The following SYN3 variants were observed in gnomAD, a reference collection of about 807,000 sequenced individuals.
SYN3 encodes the protein synapsin-3.
A neutral mutation model predicts 65.8 loss-of-function variants in SYN3; 35 were observed. The observed-to-expected ratio is 0.53, with a 90% CI of 0.41 to 0.70. The LOEUF (loss-of-function observed/expected upper bound fraction) is 0.70, where lower values mean the gene tolerates loss of function less well. Among genes scored for constraint, SYN3 ranks in the 30% least tolerant of loss-of-function variants. SYN3 has a pLI of 0.00. For missense variants in SYN3, 680 were observed against 749.0 expected (o/e 0.91, Z 1.08); for synonymous variants, 270 against 292.9 (o/e 0.92, Z 0.80).
chr22:32,677,392 T>C (rs1224142666), intron 6 of SYN3, among the ~76,000 whole-genome samples: 1 of 152,208 alleles, frequency 6.6e-6, no homozygotes. Flanking sequence ...TGCAGGGCAG[T>C]GTGCATACCA....
At chr22:32,908,577 A>G (rs1421803349) in intron 4 of SYN3, among the ~76,000 whole-genome samples, 1 of 152,034 alleles carries the variant, frequency 6.6e-6, no homozygotes, top group Admixed American at 6.6e-5. Flanking sequence ...TTAACCACAG[A>G]TTGGCAAATT....
chr22:32,892,361 A>G (rs2049474031), intron 4 of SYN3, among the ~76,000 whole-genome samples: 2 of 152,200 alleles, frequency 1.3e-5, no homozygotes, highest in Non-Finnish European at 2.9e-5. Flanking sequence ...CAACAAATAC[A>G]CGCTCTGCAC....
At chr22:32,823,474 G>A (rs972127095) in intron 6 of SYN3, among the ~76,000 whole-genome samples, 9 of 152,114 alleles carry the variant, frequency 5.9e-5, no homozygotes, top group African/African-American at 2.2e-4. Flanking sequence ...GCAGTGGGCC[G>A]TCTGTGTCCC....
chr22:32,714,772 A>G lies in SYN3; in HGVS notation c.712-118036T>C, dbSNP rs536958802. ...TACTTCCTGGCTGTATGAAATTGGA[A>G]AAATTCTTTGATCTTTTGTTTCCTC... is the stretch of plus-strand genomic sequence containing the variant. On this transcript the variant is annotated intron_variant, in intron 6 of 13. Transcript: ENST00000358763. Among the ~76,000 whole-genome samples the G allele has an allele frequency of 2.0e-5, 3 of 152,314 alleles. No individual in the cohort carries two copies. The South Asian group carries it at 6.2e-4, about 32-fold the overall frequency.
At chr22:32,677,416 G>A (rs2060461413) in intron 6 of SYN3, among the ~76,000 whole-genome samples, 1 of 152,196 alleles carries the variant, frequency 6.6e-6, no homozygotes, top group African/African-American at 2.4e-5. Flanking sequence ...ATCCTCATTG[G>A]TAGGGGACTG....
At chr22:33,040,228 C>T (rs2053938752) in intron 1 of SYN3, among the ~76,000 whole-genome samples, 1 of 151,970 alleles carries the variant, frequency 6.6e-6, no homozygotes, top group African/African-American at 2.4e-5. Context: ...AATCTCCTGA[C>T]CCCGTGATCT....
chr22:32,676,528 CTTTTTTTTTTTTTTT>C (rs879196572), intron 6 of SYN3, among the ~76,000 whole-genome samples: 1,107 of 88,952 alleles, frequency 0.012, 60 homozygotes, highest in Admixed American at 0.11. Flanking sequence ...TCTTTTCTTT[CTTTTTTTTTTTTTTT>C]TTTTTTTTTT....
chr22:32,763,051 T>G (rs1489072817), intron 6 of SYN3, among the ~76,000 whole-genome samples: 1 of 152,212 alleles, frequency 6.6e-6, no homozygotes, highest in Non-Finnish European at 1.5e-5. Flanking sequence ...CCAGACACTG[T>G]TTTGAATGCT....
At chr22:32,866,624 G>A (rs995556984) in intron 5 of SYN3, among the ~76,000 whole-genome samples, 12 of 152,118 alleles carry the variant, frequency 7.9e-5, no homozygotes, top group Non-Finnish European at 8.8e-5. Flanking sequence ...GATAGCACAC[G>A]GCTAGTGCTG....
intron 7 of SYN3, among the ~76,000 whole-genome samples, chr22:32,573,933 C>G: frequency 7.1e-6 from 1 of 140,250 alleles, no homozygotes; most frequent in Non-Finnish European, 1.5e-5. Flanking sequence ...CCACGCCCGG[C>G]TAATTTTTTT....
chr22:32,771,424 C>A (rs2145776205), intron 6 of SYN3, among the ~76,000 whole-genome samples: 1 of 152,320 alleles, frequency 6.6e-6, no homozygotes, highest in South Asian at 2.1e-4. Context: ...CTGTGCACTG[C>A]ATCTGTAACA....
intron 4 of SYN3, among the ~76,000 whole-genome samples, chr22:32,876,585 C>A (rs2048988454): frequency 7.0e-6 from 1 of 142,784 alleles, no homozygotes. Context: ...TTTGGTACTG[C>A]CTGCATTGTT....
At chr22:32,995,008 G>A (rs550042416) in intron 2 of SYN3, among the ~76,000 whole-genome samples, 23 of 152,258 alleles carry the variant, frequency 1.5e-4, no homozygotes, top group Admixed American at 3.3e-4. Context: ...TGTGAGGTTC[G>A]GAGGTTGGAT....
intron 6 of SYN3, among the ~76,000 whole-genome samples, chr22:32,819,297 G>A (rs2047171959): frequency 6.6e-6 from 1 of 152,264 alleles, no homozygotes; most frequent in African/African-American, 2.4e-5. Flanking sequence ...GAGGCTTAGT[G>A]AGAAGGCATC....
chr22:32,670,336 CA>C (rs2060343169), intron 6 of SYN3, among the ~76,000 whole-genome samples: 1 of 152,110 alleles, frequency 6.6e-6, no homozygotes, highest in Admixed American at 6.5e-5. Flanking sequence ...GGAGTGGATG[CA>C]AAAAAGTCTG....
chr22:32,599,061 C>T (rs1287463922), intron 6 of SYN3, among the ~76,000 whole-genome samples: 2 of 152,068 alleles, frequency 1.3e-5, no homozygotes, highest in Non-Finnish European at 2.9e-5. Context: ...ATCTGCTGCT[C>T]TTTTAAAAAA....
chr22:32,738,922 T>C (rs1189828557), intron 6 of SYN3, among the ~76,000 whole-genome samples: 1 of 152,232 alleles, frequency 6.6e-6, no homozygotes, highest in Non-Finnish European at 1.5e-5. Context: ...AGGAGCCCAC[T>C]CACCTGCAGA....
At chr22:32,877,211 T>C (rs775391145) in intron 4 of SYN3, among the ~76,000 whole-genome samples, 2 of 152,196 alleles carry the variant, frequency 1.3e-5, no homozygotes. Flanking sequence ...TTCTTCTGTG[T>C]CCTTACCTTA....
At chr22:32,672,420 A>G (rs950470691) in intron 6 of SYN3, among the ~76,000 whole-genome samples, 3 of 152,254 alleles carry the variant, frequency 2.0e-5, no homozygotes, top group African/African-American at 4.8e-5. Context: ...GCAGTCATCA[A>G]CGTAAAGAAA....
Sources: allele counts gnomAD v4.1 joint callset (sites outside exome capture counted in the v4.1 genomes callset), GRCh38; gene constraint gnomAD v4.1.1; transcripts MANE v1.5; gene names NCBI Gene and HGNC (gene_info 2026-07-23, HGNC 2026-07-21).